Variants in ARHGAP10 observed in about 807,000 individuals in gnomAD.
ARHGAP10 encodes rho GTPase-activating protein 10.
ARHGAP10 carries 87 observed loss-of-function variants against 108.6 expected under a neutral mutation model. The ratio of observed to expected loss-of-function variants is 0.80; its 90% CI spans 0.67 to 0.96. The LOEUF is 0.96. ARHGAP10 is among the 40% of genes least tolerant of loss of function. The pLI, the probability that ARHGAP10 is intolerant of heterozygous loss-of-function variation, is 0.00. For synonymous variants in ARHGAP10, 347 were observed against 341.1 expected, an observed-to-expected ratio of 1.02 and a Z score of -0.19; for missense variants, 939 against 954.5, an observed-to-expected ratio of 0.98 and a Z score of 0.21.
At chr4:147,796,518 C>CT (rs938187228) in intron 1 of ARHGAP10, among the ~76,000 whole-genome samples, 10 of 151,242 alleles carry the variant, frequency 6.6e-5, no homozygotes, top group Admixed American at 2.0e-4. Context: ...TTCCTTATTT[C>CT]TTTTTTTTTA....
rs1298146633 is a variant in ARHGAP10 at position 148,019,777 on chromosome 4, CAAAACAA to C, written c.1717-3473_1717-3467del. 6.7e-5 allele frequency among the ~76,000 whole-genome samples: 10 copies of C among 149,090 alleles called. No homozygotes were observed. In the East Asian group the frequency reaches 9.8e-4, roughly 15 times the overall value. ...GAGACTCCACCTAAAAAAAAAAAAA[CAAAACAA>C]AAAACAAAAAACGTCTAACCTAACC... On this transcript the variant is annotated intron_variant, in intron 18 of 22. Coordinates refer to ENST00000336498, the MANE Select transcript of ARHGAP10 (RefSeq NM_024605.4).
chr4:147,733,135 T>G (rs1560729584), intron 1 of ARHGAP10, among the ~76,000 whole-genome samples: 1 of 152,152 alleles, frequency 6.6e-6, no homozygotes, highest in Non-Finnish European at 1.5e-5. Context: ...AGGCGGGCAC[T>G]GCTTGCAAAT....
intron 12 of ARHGAP10, among the ~76,000 whole-genome samples, chr4:147,911,639 G>T (rs910119957): frequency 1.4e-4 from 4 of 28,778 alleles, no homozygotes; most frequent in South Asian, 9.9e-4. Flanking sequence ...TGGGATTACA[G>T]GCGTGAGCCA....
At chr4:147,866,124 G>C (rs4835466) in intron 6 of ARHGAP10, 152,365 of 152,372 alleles carry the variant, frequency 1, 76,179 homozygotes, top group Non-Finnish European at 1. Flanking sequence ...TTCCTTAACT[G>C]TCTCCCCAGA....
chr4:148,071,994 A>G lies in ARHGAP10; in HGVS notation c.2274A>G (p.Val758=). 1 of 1,612,990 alleles carries G rather than the reference A, an allele frequency of 6.2e-7. No individual in the cohort carries two copies. The highest frequency in any genetic ancestry group is 1.3e-5 in the African/African-American group (1 of 74,958). ...AGTGATTTTTCTCTTCCTTTTCAGT[A>G]CAAACCTCCAGGGAACCTGGCTGGC... is the stretch of plus-strand genomic sequence containing the variant. ...SFEIGAIFED[V]QTSREPGWLE... The change falls in exon 23 of 23, where the codon GTA becomes GTG. Residue 758 remains valine (V), a splice_region_variant and synonymous_variant. Transcript: ENST00000336498.
chr4:147,892,055 G>T (rs1007690965), intron 10 of ARHGAP10, among the ~76,000 whole-genome samples: 6 of 152,152 alleles, frequency 3.9e-5, no homozygotes, highest in African/African-American at 1.2e-4. Context: ...TTCCCGTTTT[G>T]CTCTCATTAA....
chr4:147,815,656 A>G (rs897452181), intron 1 of ARHGAP10, among the ~76,000 whole-genome samples: 10 of 152,168 alleles, frequency 6.6e-5, no homozygotes, highest in African/African-American at 9.7e-5. Flanking sequence ...TAGGAGTTCA[A>G]TACCAGCCTG....
At chr4:147,897,057 ACTCTAC>A (rs2126893981) in intron 10 of ARHGAP10, among the ~76,000 whole-genome samples, 1 of 151,740 alleles carries the variant, frequency 6.6e-6, no homozygotes, top group Admixed American at 6.6e-5. Context: ...ATTATCTTAA[ACTCTAC>A]CTCTAACAGT....
chr4:147,749,889 A>G lies in ARHGAP10; in HGVS notation c.154+17434A>G, dbSNP rs143873956. ...GTCTAAAAGGCTTGAATGGCTATGC[A>G]AATTAACCTGTTGATGAACAGCCAT... On this transcript the variant is annotated intron_variant, in intron 1 of 22. Transcript: ENST00000336498. Among the ~76,000 whole-genome samples, 276 of 152,346 alleles carry G rather than the reference A, an allele frequency of 1.8e-3. 1 individual carries two copies. The highest frequency in any genetic ancestry group is 6.8e-3 in the Middle Eastern group (2 of 294).
intron 1 of ARHGAP10, among the ~76,000 whole-genome samples, chr4:147,787,626 T>C (rs1466625471): frequency 6.6e-6 from 1 of 152,168 alleles, no homozygotes; most frequent in African/African-American, 2.4e-5. Context: ...CATTTTGGTC[T>C]CAGCTCTGGA....
intron 4 of ARHGAP10, among the ~76,000 whole-genome samples, chr4:147,848,500 C>T (rs1329995351): frequency 6.6e-6 from 1 of 152,208 alleles, no homozygotes; most frequent in Non-Finnish European, 1.5e-5. Flanking sequence ...AAATGAAGGA[C>T]TTGGGGGATC....
intron 10 of ARHGAP10, among the ~76,000 whole-genome samples, chr4:147,893,877 T>C (rs17676080): frequency 0.1 from 15,964 of 152,132 alleles, 956 homozygotes; most frequent in East Asian, 0.27. Context: ...GTCTCTGTGT[T>C]TTTCATAGAA....
At chr4:148,063,436 C>T (rs1478878104) in intron 21 of ARHGAP10, 136 bp downstream of exon 21, 26 of 1,181,446 alleles carry the variant, frequency 2.2e-5, no homozygotes, top group Non-Finnish European at 3.1e-5. Context: ...TCATGGACAG[C>T]ACTTACCACC....
rs567844942 is a variant in ARHGAP10 at position 147,948,978 on chromosome 4, A to C, written c.1391+2274A>C. ...GAGACTCTGTCTCAAAAAAAAAAAA[A>C]CAAAAAAACCCCCAAAAAACAGAAT... On this transcript the variant is annotated intron_variant, in intron 15 of 22. Coordinates refer to ENST00000336498, the MANE Select transcript of ARHGAP10 (RefSeq NM_024605.4). 4.7e-5 allele frequency among the ~76,000 whole-genome samples: 7 copies of C among 150,486 alleles called. No homozygotes were observed. The South Asian group carries it at 6.3e-4, about 14-fold the overall frequency.
intron 8 of ARHGAP10, among the ~76,000 whole-genome samples, chr4:147,875,591 G>C (rs746857196): frequency 3.9e-5 from 6 of 152,032 alleles, no homozygotes; most frequent in Non-Finnish European, 8.8e-5. Context: ...CCATAACCCT[G>C]CCTCTCTGTC....
At chr4:147,766,740 T>A (rs923250551) in intron 1 of ARHGAP10, among the ~76,000 whole-genome samples, 15 of 145,448 alleles carry the variant, frequency 1.0e-4, no homozygotes, top group African/African-American at 3.5e-4. Flanking sequence ...ATATATTATA[T>A]ACGTAACTAT....
At chr4:147,915,494 T>G (rs1379920109) in intron 13 of ARHGAP10, among the ~76,000 whole-genome samples, 2 of 152,212 alleles carry the variant, frequency 1.3e-5, no homozygotes, top group Non-Finnish European at 2.9e-5. Context: ...TATTTCTGCC[T>G]GAATAGATGC....
chr4:147,868,353 C>T (rs533047315), intron 7 of ARHGAP10, among the ~76,000 whole-genome samples: 4 of 152,026 alleles, frequency 2.6e-5, no homozygotes, highest in Admixed American at 1.3e-4. Context: ...CCTCCTGCCT[C>T]AGCCTCCTGA....
At chr4:148,001,089 G>A (rs1740699999) in intron 18 of ARHGAP10, among the ~76,000 whole-genome samples, 1 of 152,182 alleles carries the variant, frequency 6.6e-6, no homozygotes, top group South Asian at 2.1e-4. Context: ...ATTAATTTTT[G>A]TGTAAGGTGT....
Sources: gnomAD v4.1 joint callset for allele counts (sites outside exome capture counted in the v4.1 genomes callset) on GRCh38, gnomAD v4.1.1 for gene constraint, MANE v1.5 for transcripts, NCBI Gene and HGNC (gene_info 2026-07-23, HGNC 2026-07-21) for gene names.